The following OTOG variants were observed in gnomAD, a reference collection of about 807,000 sequenced individuals.
OTOG encodes otogelin.
Under a neutral mutation model 313.8 loss-of-function variants are expected in OTOG, and 296 were observed. The observed-to-expected ratio is 0.94, with a 90% CI of 0.86 to 1.04. The LOEUF is 1.04. Among genes scored for constraint, OTOG ranks in the 50% least tolerant of loss-of-function variants. OTOG has a pLI of 0.00. For synonymous variants in OTOG, 1,533 were observed against 1,554.9 expected, an observed-to-expected ratio of 0.99 and a Z score of 0.33; for missense variants, 3,948 against 3,840.1, an observed-to-expected ratio of 1.03 and a Z score of -0.74.
At position 17,582,074 on chromosome 11, in the gene OTOG, A is replaced by G. The variant is rs574194557; in HGVS notation, c.2759+3548A>G. On this transcript the variant is annotated intron_variant, in intron 23 of 55. Transcript: ENST00000399397. ...AATTATTTATCTGCAAAGGTGTTAT[A>G]TATAATAAAATGTACCTACTTTTAG... Among the ~76,000 whole-genome samples, 47 of 152,330 alleles carry G rather than the reference A, an allele frequency of 3.1e-4. 1 individual carries two copies. In the Middle Eastern group the frequency reaches 0.02, roughly 66 times the overall value.
At position 17,547,446 on chromosome 11, in the gene OTOG, C is replaced by T; in HGVS notation, c.74C>T (p.Ser25Phe). 7.2e-7 allele frequency: 1 copy of T among 1,382,288 alleles called. No homozygotes were observed. The highest frequency in any genetic ancestry group is 1.7e-5 in the South Asian group (1 of 58,588). 85.6% of individuals were successfully genotyped at this position (1,382,288 alleles called of 1,614,324 possible). The change falls in exon 1 of 56, where the codon TCC (serine) becomes TTC (phenylalanine). Residue 25 changes from serine to phenylalanine, a missense_variant. Physicochemically the swap from Ser to Phe is radical, Grantham distance 155 (BLOSUM62 -2). Transcript: ENST00000399397. Reference protein sequence around the residue: ...WLPWGEQAAESLRVQRLAAAP... With the variant: ...WLPWGEQAAEFLRVQRLAAAP... ...CCCTGGGGTGAGCAGGCAGCCGAGT[C>T]CCTGCGGGTGCAGCGCCTCGGTGAG... is the stretch of plus-strand genomic sequence containing the variant.
Position 17,593,204 on chromosome 11 carries a change from T to C in OTOG, c.3018T>C (p.Asp1006=), listed in dbSNP as rs967441427. 2 of 1,550,282 alleles carry C rather than the reference T, an allele frequency of 1.3e-6. No individual in the cohort carries two copies. The highest frequency in any genetic ancestry group is 8.7e-7 in the Non-Finnish European group (1 of 1,146,662). ...TATTCTCTCCTCAGAGCACATCAGA[T>C]GTCAGCTTCTCTGTGATTGTAGAGA... The part of the protein sequence containing the change: ...CKVHLVKSTS[D]VSFSVIVENV... Residue 1006 remains aspartate (D), a synonymous_variant, in exon 26 of 56, where the codon GAT becomes GAC. Transcript: ENST00000399397.
chr11:17,633,027 AAG>A (rs1854167613), intron 42 of OTOG, among the ~76,000 whole-genome samples: 1 of 152,242 alleles, frequency 6.6e-6, no homozygotes, highest in African/African-American at 2.4e-5. Flanking sequence ...GATTTTGTAA[AAG>A]AGATTTTTTA....
chr11:17,611,120 C>T lies in OTOG; in HGVS notation c.5820C>T (p.His1940=), dbSNP rs985177171. ...CAGAGCTCACGCCTGCTACGAGCCA[C>T]CCTCTCACGCCCTTGGTGGCTGAGC... ...GPTELTPATS[H]PLTPLVAEPE... Residue 1940 remains histidine (H), a synonymous_variant, in exon 36 of 56, where the codon CAC becomes CAT. Transcript: ENST00000399397. 1.9e-6 allele frequency: 3 copies of T among 1,550,442 alleles called. No individual in the cohort carries two copies. In the African/African-American group the frequency reaches 4.1e-5, roughly 21 times the overall value.
chr11:17,640,602 T>C, intron 49 of OTOG, 143 bp from the exon 50 acceptor site: 2 of 735,896 alleles, frequency 2.7e-6, no homozygotes, highest in South Asian at 3.7e-5. Flanking sequence ...GCTTCCAGGC[T>C]GCTGAGGGGC....
At chr11:17,640,627 C>T (rs1332162769) in intron 49 of OTOG, 118 bp from the exon 50 acceptor site, 1 of 1,110,410 alleles carries the variant, frequency 9.0e-7, no homozygotes, top group African/African-American at 1.6e-5. Flanking sequence ...GGCCTGCCAG[C>T]CCCCCTCCTG....
chr11:17,575,520 T>C (rs561779889), intron 20 of OTOG, among the ~76,000 whole-genome samples: 69 of 152,236 alleles, frequency 4.5e-4, no homozygotes, highest in Non-Finnish European at 8.2e-4. Flanking sequence ...AGGCCCAGCT[T>C]GTTCTCAGTG....
chr11:17,592,528 T>A (rs757982), intron 25 of OTOG, among the ~76,000 whole-genome samples: 66,021 of 152,002 alleles, frequency 0.43, 15,353 homozygotes, highest in African/African-American at 0.61. Context: ...CTGCAAGAAC[T>A]TTTTTCTGTG....
In OTOG at chr11:17,561,712, C is replaced by G. The variant is rs980878787; in HGVS notation, c.1549C>G (p.Arg517Gly). 2.3e-4 allele frequency: 361 copies of G among 1,550,376 alleles called. No homozygotes were observed. Among genetic ancestry groups the G allele is most frequent in the Non-Finnish European group, 3.1e-4 (359 of 1,146,980 alleles). The change falls in exon 15 of 56, where the codon CGG becomes GGG. Residue 517 changes from arginine (R) to glycine (G), a missense_variant. Transcript: ENST00000399397. ...DIHFTTFDGRRYTFPATCQYI... is the reference protein window; with the variant it reads ...DIHFTTFDGRGYTFPATCQYI... ...TCACTTCACAACCTTTGATGGCCGC[C>G]GGTACACGTTCCCCGCCACATGTCA...
rs908986625 is a variant in OTOG, at chr11:17,639,570, G to T, written c.7935+107G>T. 36 of 1,201,190 alleles carry T rather than the reference G, an allele frequency of 3.0e-5. 2 individuals are homozygous for T. In the South Asian group the frequency reaches 5.0e-4, roughly 17 times the overall value. 74.4% of individuals were successfully genotyped at this position (1,201,190 alleles called of 1,614,324 possible). A position where few individuals can be genotyped will look rare whatever the true frequency, so the allele number is the denominator to read the frequency against. ...TCCTTTAATCTAGTGCAAGGAACCC[G>T]GGGTTGCAAGTCAGCATTCTTTTCC... On this transcript the variant is annotated intron_variant, in intron 49 of 55. Transcript: ENST00000399397.
At chr11:17,639,897 T>C (rs1847933681) in intron 49 of OTOG, among the ~76,000 whole-genome samples, 2 of 148,932 alleles carry the variant, frequency 1.3e-5, no homozygotes, top group Non-Finnish European at 3.0e-5. Flanking sequence ...GTGAGGATGA[T>C]GGTGGTGGTG....
chr11:17,575,433 G>A (rs182028693), intron 20 of OTOG, among the ~76,000 whole-genome samples: 1 of 152,304 alleles, frequency 6.6e-6, no homozygotes, highest in East Asian at 1.9e-4. Flanking sequence ...TGGAAGTAAA[G>A]CCTTTCTGCG....
intron 16 of OTOG, 103 bp downstream of exon 16, chr11:17,569,391 A>G: frequency 2.1e-6 from 3 of 1,455,450 alleles, no homozygotes; most frequent in South Asian, 2.6e-5. Context: ...GCAAAAACTC[A>G]TATTCTAGTA....
Position 17,605,925 on chromosome 11 carries a change from T to C in OTOG, c.3946T>C (p.Ser1316Pro). The C allele has an allele frequency of 6.4e-7, 1 of 1,550,488 alleles. No individual in the cohort carries two copies. The highest frequency in any genetic ancestry group is 8.7e-7 in the Non-Finnish European group (1 of 1,146,944). Residue 1316 changes from serine (S) to proline (P), a missense_variant, in exon 33 of 56, where the codon TCT becomes CCT. By Grantham distance (74) the Ser-to-Pro change is moderately conservative. Transcript: ENST00000399397. ...NFFLHVTANG[S>P]LELAKWQGRD... ...CTTCCTTCACGTCACAGCCAACGGG[T>C]CTCTGGAGCTGGCTAAGTGGCAGGG... is the stretch of plus-strand genomic sequence containing the variant.
rs753817422 is a variant in OTOG, at chr11:17,611,323, C to T, written c.6023C>T (p.Thr2008Ile). Residue 2008 changes from threonine (T) to isoleucine (I), a missense_variant, in exon 36 of 56, where the codon ACA becomes ATA. Transcript: ENST00000399397. ...LAAEPVDEAT[T>I]EPSGRSAPAL... ...GCAGAGCCGGTGGACGAGGCCACCA[C>T]AGAACCATCTGGGCGCTCAGCCCCA... 41 of 1,550,462 alleles carry T rather than the reference C, an allele frequency of 2.6e-5. No individual in the cohort carries two copies. The highest frequency in any genetic ancestry group is 3.4e-5 in the Non-Finnish European group (39 of 1,146,980).
intron 25 of OTOG, among the ~76,000 whole-genome samples, 164 bp downstream of exon 25, chr11:17,591,752 T>C (rs182332864): frequency 3.9e-5 from 6 of 152,306 alleles, no homozygotes; most frequent in Admixed American, 2.6e-4. Flanking sequence ...AGCTCAGGGC[T>C]GGATGGAGCT....
chr11:17,563,145 G>A (rs535886284), intron 15 of OTOG, among the ~76,000 whole-genome samples: 264 of 152,342 alleles, frequency 1.7e-3, no homozygotes, highest in African/African-American at 5.7e-3. Context: ...AATGGCCAAT[G>A]TGCAAGTCTG....
chr11:17,558,518 C>T lies in OTOG; in HGVS notation c.997-20C>T. On this transcript the variant is annotated intron_variant, in intron 9 of 55. Coordinates refer to ENST00000399397, the MANE Select transcript of OTOG (RefSeq NM_001292063.2). ...TGGCTTTGCCAGCCCCTAGCCCTGG[C>T]TCCTGGTCCCTTGCTCTAGGGCGTG... 1 of 1,550,114 alleles carries T rather than the reference C, an allele frequency of 6.5e-7. No homozygotes were observed. Among genetic ancestry groups the T allele is most frequent in the South Asian group, 1.2e-5 (1 of 84,040 alleles).
chr11:17,570,381 A>G lies in OTOG; in HGVS notation c.1946A>G (p.Asp649Gly). ...LCGTFNGNTQDDFLSPVGVPE... is the reference protein window; with the variant it reads ...LCGTFNGNTQGDFLSPVGVPE... Reference sequence around the variant, plus strand: ...GGCACCTTCAATGGCAACACGCAGGATGACTTCCTGTACGTAGCCCTGCCA... The same window carrying G: ...GGCACCTTCAATGGCAACACGCAGGGTGACTTCCTGTACGTAGCCCTGCCA... Residue 649 changes from aspartate to glycine, a missense_variant, in exon 17 of 56, where the codon GAT becomes GGT. Transcript: ENST00000399397. 1 of 1,550,480 alleles carries G rather than the reference A, an allele frequency of 6.4e-7. No individual in the cohort carries two copies. Among genetic ancestry groups the G allele is most frequent in the Non-Finnish European group, 8.7e-7 (1 of 1,146,952 alleles).
Sources: gnomAD v4.1 joint callset for allele counts (sites outside exome capture counted in the v4.1 genomes callset) on GRCh38, gnomAD v4.1.1 for gene constraint, MANE v1.5 for transcripts, NCBI Gene and HGNC (gene_info 2026-07-23, HGNC 2026-07-21) for gene names.